The following KHDRBS2 variants were observed in gnomAD, a reference collection of about 807,000 sequenced individuals.
The protein encoded by KHDRBS2 is KH RNA binding domain containing, signal transduction associated 2, also known as KH domain-containing, RNA-binding, signal transduction-associated protein 2.
A neutral mutation model predicts 44.3 loss-of-function variants in KHDRBS2; 26 were observed. The ratio of observed to expected loss-of-function variants is 0.59; its 90% CI spans 0.43 to 0.81. KHDRBS2 has a LOEUF of 0.81. Ranked by LOEUF, KHDRBS2 falls within the 40% of genes least tolerant of loss-of-function variation. The pLI is 0.00. For synonymous variants in KHDRBS2, 194 were observed against 151.1 expected, an observed-to-expected ratio of 1.28 and a Z score of -2.08; for missense variants, 476 against 433.1, an observed-to-expected ratio of 1.10 and a Z score of -0.88.
intron 2 of KHDRBS2, among the ~76,000 whole-genome samples, chr6:62,052,630 G>A (rs1303186728): frequency 6.9e-6 from 1 of 145,512 alleles, no homozygotes; most frequent in African/African-American, 2.5e-5. Context: ...GGTGGGGGTT[G>A]GGGTGGAGGA....
At chr6:61,572,599 G>A in the KHDRBS2 span, among the ~76,000 whole-genome samples, 5 of 151,992 alleles carry the variant, frequency 3.3e-5, no homozygotes, top group African/African-American at 1.2e-4. Flanking sequence ...AAATCCAAAA[G>A]CATATCAAAA....
intron 2 of KHDRBS2, among the ~76,000 whole-genome samples, chr6:62,106,142 A>G (rs367905295): frequency 6.6e-6 from 1 of 152,076 alleles, no homozygotes; most frequent in Non-Finnish European, 1.5e-5. Flanking sequence ...GGTGTGAGAG[A>G]CAGTTTGTTA....
intron 6 of KHDRBS2, among the ~76,000 whole-genome samples, chr6:61,769,626 T>TG (rs150372922): frequency 0.35 from 53,416 of 151,730 alleles, 10,674 homozygotes; most frequent in African/African-American, 0.55. Context: ...GCAGCGAGGC[T>TG]GGGGGGGCGG....
intron 7 of KHDRBS2, among the ~76,000 whole-genome samples, chr6:61,699,137 A>G (rs1421664100): frequency 2.6e-5 from 4 of 152,126 alleles, no homozygotes; most frequent in Non-Finnish European, 5.9e-5. Flanking sequence ...ATTTTCTAGA[A>G]CAAAGTTTGG....
At chr6:61,931,563 C>T (rs1297351741) in intron 4 of KHDRBS2, among the ~76,000 whole-genome samples, 1 of 151,896 alleles carries the variant, frequency 6.6e-6, no homozygotes, top group African/African-American at 2.4e-5. Context: ...GTTTTATATG[C>T]TCATTTATTA....
At chr6:61,916,156 G>A (rs545503454) in intron 4 of KHDRBS2, among the ~76,000 whole-genome samples, 28 of 152,126 alleles carry the variant, frequency 1.8e-4, no homozygotes, top group African/African-American at 6.5e-4. Flanking sequence ...TTCAGTTTGA[G>A]AGATTTTCAT....
intron 6 of KHDRBS2, among the ~76,000 whole-genome samples, chr6:61,799,879 T>C (rs1785986781): frequency 1.3e-5 from 2 of 152,096 alleles, no homozygotes; most frequent in African/African-American, 2.4e-5. Context: ...TTAAGTATTA[T>C]GTATAAAAGT....
At chr6:62,112,498 T>C (rs1584778158) in intron 2 of KHDRBS2, among the ~76,000 whole-genome samples, 1 of 152,186 alleles carries the variant, frequency 6.6e-6, no homozygotes, top group East Asian at 1.9e-4. Context: ...AAATAGGGCA[T>C]CTCCACTAGG....
At chr6:61,601,918 G>C in the KHDRBS2 span, among the ~76,000 whole-genome samples, 1 of 152,096 alleles carries the variant, frequency 6.6e-6, no homozygotes, top group African/African-American at 2.4e-5. Context: ...TGGAGCTAAA[G>C]GCATAGTCAA....
intron 2 of KHDRBS2, among the ~76,000 whole-genome samples, chr6:62,093,350 T>C (rs1251811952): frequency 6.6e-6 from 1 of 152,010 alleles, no homozygotes; most frequent in African/African-American, 2.4e-5. Flanking sequence ...TAAGCTTTAT[T>C]TTATAATGGA....
intron 2 of KHDRBS2, among the ~76,000 whole-genome samples, chr6:62,163,061 C>T (rs78988293): frequency 1.3e-3 from 195 of 152,062 alleles, no homozygotes; most frequent in Middle Eastern, 3.4e-3. Flanking sequence ...GCACAAGTGA[C>T]GTCACAAATT....
At chr6:62,285,021 G>A (rs537564420) in intron 1 of KHDRBS2, among the ~76,000 whole-genome samples, 7 of 152,220 alleles carry the variant, frequency 4.6e-5, no homozygotes, top group African/African-American at 9.6e-5. Context: ...AAAAAGGCAT[G>A]GGTAAGTAAC....
At chr6:62,285,446 AAAAAAT>A (rs1268964616) in intron 1 of KHDRBS2, among the ~76,000 whole-genome samples, 1 of 152,194 alleles carries the variant, frequency 6.6e-6, no homozygotes, top group African/African-American at 2.4e-5. Flanking sequence ...TAAATGCAGC[AAAAAAT>A]AAAAATAAAA....
At chr6:61,675,287 ATTTC>A (rs2127535685), downstream of KHDRBS2, among the ~76,000 whole-genome samples, 1 of 151,910 alleles carries the variant, frequency 6.6e-6, no homozygotes, top group East Asian at 2.0e-4. Context: ...TTTAAAAATA[ATTTC>A]CTTTCAAAGA....
the KHDRBS2 span, among the ~76,000 whole-genome samples, chr6:61,593,535 C>A: frequency 6.6e-5 from 10 of 150,752 alleles, no homozygotes; most frequent in Non-Finnish European, 1.5e-4. Flanking sequence ...CTACTTCTAC[C>A]AAAGATAAAT....
chr6:61,964,650 C>A (rs143082670), intron 4 of KHDRBS2, among the ~76,000 whole-genome samples: 1 of 152,104 alleles, frequency 6.6e-6, no homozygotes, highest in Non-Finnish European at 1.5e-5. Flanking sequence ...ACTTGATGAA[C>A]TTAATTAGCT....
At position 62,285,925 on chromosome 6, in the gene KHDRBS2, A is replaced by G. The variant is rs769537457; in HGVS notation, c.24T>C (p.Pro8=). 8 of 1,612,586 alleles carry G rather than the reference A, an allele frequency of 5.0e-6. No individual in the cohort carries two copies. The African/African-American group carries it at 6.7e-5, about 13-fold the overall frequency. ...GGCTATCTTTCTCTGCCATCAGCTC[A>G]GGCAAATATTTCTCCTCTTCCATAG... The part of the protein sequence containing the change: MEEEKYL[P]ELMAEKDSLD... Residue 8 remains proline (P), a synonymous_variant, in exon 1 of 9, where the codon CCT becomes CCC. Transcript: ENST00000281156.
intron 4 of KHDRBS2, among the ~76,000 whole-genome samples, chr6:61,902,683 CTA>C (rs1430448139): frequency 6.6e-6 from 1 of 152,132 alleles, no homozygotes; most frequent in Non-Finnish European, 1.5e-5. Context: ...GGAGTTAACA[CTA>C]TATTTGTAGA....
At chr6:61,607,599 A>C in the KHDRBS2 span, among the ~76,000 whole-genome samples, 4 of 151,404 alleles carry the variant, frequency 2.6e-5, no homozygotes, top group Non-Finnish European at 1.5e-5. Flanking sequence ...AAATCTAGAC[A>C]AAATGGATGA....
Sources: allele counts gnomAD v4.1 joint callset (sites outside exome capture counted in the v4.1 genomes callset), GRCh38; gene constraint gnomAD v4.1.1; transcripts MANE v1.5; gene names NCBI Gene and HGNC (gene_info 2026-07-23, HGNC 2026-07-21).